The following NKX2-2 variants were observed in gnomAD, a reference collection of about 807,000 sequenced individuals.
NKX2-2 encodes NK2 homeobox 2, also known as homeobox protein Nkx-2.2.
In NKX2-2, 8 loss-of-function variants were observed where a neutral mutation model predicts 24.6. The observed-to-expected ratio is 0.32, with a 90% confidence interval of 0.19 to 0.59. The LOEUF (loss-of-function observed/expected upper bound fraction) is 0.59. Ranked by LOEUF, NKX2-2 falls within the 20% of genes least tolerant of loss-of-function variation. The pLI is 0.86. For missense variants in NKX2-2, 381 were observed against 373.9 expected, an observed-to-expected ratio of 1.02 and a Z score of -0.16; for synonymous variants, 217 against 173.3, an observed-to-expected ratio of 1.25 and a Z score of -1.98.
Position 21,512,066 on chromosome 20 carries a change from T to C in NKX2-2, c.679A>G (p.Thr227Ala). ...GAAAAGGGAATGCCCGCCTGGAAGG[T>C]GGCGGCTGCCAGGTCCTGGGCTTTG... ...ALKAQDLAAA[T>A]FQAGIPFSAY... is the part of the protein sequence containing the mutation. The change falls in exon 2 of 2, where the codon ACC becomes GCC. Residue 227 changes from threonine to alanine, a missense_variant. Physicochemically the swap from Thr to Ala is moderately conservative, Grantham distance 58. Transcript: ENST00000377142. The C allele has an allele frequency of 6.2e-7, 1 of 1,613,744 alleles. No homozygotes were observed. The highest frequency in any genetic ancestry group is 8.5e-7 in the Non-Finnish European group (1 of 1,179,930).
At chr20:21,514,487 T>C (rs1275710316), upstream of NKX2-2, among the ~76,000 whole-genome samples, 1 of 149,520 alleles carries the variant, frequency 6.7e-6, no homozygotes, top group Admixed American at 6.7e-5. Flanking sequence ...TTTTAACAAA[T>C]TGCATCTTAA....
chr20:21,516,172 T>C (rs1160911737), upstream of NKX2-2, among the ~76,000 whole-genome samples: 1 of 152,192 alleles, frequency 6.6e-6, no homozygotes, highest in Non-Finnish European at 1.5e-5. Flanking sequence ...TTGTTCCTAG[T>C]TGTCATGGCA....
At position 21,513,535 on chromosome 20, in the gene NKX2-2, G is replaced by C; in HGVS notation, c.135C>G (p.Ala45=). The change falls in exon 1 of 2, where the codon GCC becomes GCG. Residue 45 remains alanine, a synonymous_variant. Transcript: ENST00000377142. The surrounding 1 kb of genome is among the most constrained non-coding windows in gnomAD (Gnocchi z 4.6). ...CCAGGGCGCCCTGCCCCAGCGGCCC[G>C]GCCCTCTTGGCTGGCTCGGGCCCCT... ...ENEGPEPAKR[A]GPLGQGALDA... is the part of the protein sequence containing the mutation. 1 of 1,613,332 alleles carries C rather than the reference G, an allele frequency of 6.2e-7. No homozygotes were observed. The highest frequency in any genetic ancestry group is 8.5e-7 in the Non-Finnish European group (1 of 1,179,692).
Position 21,513,820 on chromosome 20 carries a change from T to A in NKX2-2, c.-151A>T. On this transcript the variant is annotated 5_prime_UTR_variant, in exon 1 of 2. Coordinates refer to ENST00000377142, the MANE Select transcript of NKX2-2 (RefSeq NM_002509.4). This position sits in a 1 kb window ranked among gnomAD's most constrained non-coding sequence, Gnocchi z 4.6. ...AATTGGCTTTAATTATTGGGATAAT[T>A]ATTATTTTTAAAAAGAGAAAGAAAC... 1.9e-6 allele frequency: 1 copy of A among 520,152 alleles called. No homozygotes were observed. Among genetic ancestry groups the A allele is most frequent in the Non-Finnish European group, 3.2e-6 (1 of 317,254 alleles). The allele number at this position is 520,152 out of a possible 1,614,324, so 32.2% of individuals were successfully genotyped here. A position where few individuals can be genotyped will look rare whatever the true frequency, so the allele number is the denominator to read the frequency against.
rs1042704224 is a variant in NKX2-2 at position 21,511,571 on chromosome 20, G to T, written c.*352C>A. On this transcript the variant is annotated 3_prime_UTR_variant, in exon 2 of 2. Transcript: ENST00000377142. The stretch of plus-strand genomic sequence containing the variant: ...TGCACGAAAGCAGGGGTGGGGGGTC[G>T]GTCTTTTTCTCGTTTTCAAGTGACG... The T allele has an allele frequency of 1.1e-4, 23 of 212,380 alleles. No individual in the cohort carries two copies. The highest frequency in any genetic ancestry group is 1.9e-4 in the Non-Finnish European group (21 of 108,498). The allele number at this position is 212,380 out of a possible 1,614,324, so 13.2% of individuals were successfully genotyped here. A position where few individuals can be genotyped will look rare whatever the true frequency, so the allele number is the denominator to read the frequency against.
upstream of NKX2-2, among the ~76,000 whole-genome samples, chr20:21,515,861 C>G (rs575114086): frequency 4.1e-4 from 63 of 152,318 alleles, no homozygotes; most frequent in African/African-American, 1.2e-3. Context: ...GGGCACCTCT[C>G]CCCGAGCCGC....
At chr20:21,518,689 C>T (rs1392972570), upstream of NKX2-2, among the ~76,000 whole-genome samples, 1 of 152,256 alleles carries the variant, frequency 6.6e-6, no homozygotes, top group Non-Finnish European at 1.5e-5. Flanking sequence ...CGCCCAGAGG[C>T]ACCCTGCTTT....
At position 21,511,875 on chromosome 20, in the gene NKX2-2, C is replaced by T. The variant is rs762923306; in HGVS notation, c.*48G>A. On this transcript the variant is annotated 3_prime_UTR_variant, in exon 2 of 2. Transcript: ENST00000377142. ...CGAGGCCTCCTCGCCGCCACCGCCG[C>T]CGGGGTGGGGCCTGGGCCTGGGGCC... 1.2e-5 allele frequency: 18 copies of T among 1,474,218 alleles called. No homozygotes were observed. The highest frequency in any genetic ancestry group is 1.5e-5 in the Non-Finnish European group (17 of 1,104,778). 91.3% of individuals were successfully genotyped at this position (1,474,218 alleles called of 1,614,324 possible).
rs1430668675 is a variant in NKX2-2, at chr20:21,513,014, C to G, written c.259+397G>C. On this transcript the variant is annotated intron_variant, in intron 1 of 1. Coordinates refer to ENST00000377142, the MANE Select transcript of NKX2-2 (RefSeq NM_002509.4). The surrounding 1 kb of genome is among the most constrained non-coding windows in gnomAD (Gnocchi z 4.6). ...TATACCCGGGCCACCCGAAGCCTCCCCACCCTCCACCCGTACCCGGACGAG... is the reference window on the plus strand; with the variant it reads ...TATACCCGGGCCACCCGAAGCCTCCGCACCCTCCACCCGTACCCGGACGAG... 6.6e-6 allele frequency among the ~76,000 whole-genome samples: 1 copy of G among 152,162 alleles called. No individual in the cohort carries two copies. The highest frequency in any genetic ancestry group is 1.5e-5 in the Non-Finnish European group (1 of 68,028).
the NKX2-2 span, among the ~76,000 whole-genome samples, chr20:21,522,464 T>C: frequency 6.6e-6 from 1 of 152,052 alleles, no homozygotes; most frequent in South Asian, 2.1e-4. Context: ...GCTTCCTCCA[T>C]CGCCACCGCC....
At chr20:21,515,334 C>G (rs910716622), upstream of NKX2-2, among the ~76,000 whole-genome samples, 6 of 152,052 alleles carry the variant, frequency 3.9e-5, no homozygotes, top group Admixed American at 2.6e-4. Context: ...GGAGGGGGGT[C>G]GCTGGGTGGC....
At chr20:21,517,843 G>A (rs1233946031), upstream of NKX2-2, among the ~76,000 whole-genome samples, 4 of 152,256 alleles carry the variant, frequency 2.6e-5, no homozygotes, top group East Asian at 7.7e-4. Context: ...AGGAGCTTTG[G>A]TTCTCTGCGA....
the NKX2-2 span, among the ~76,000 whole-genome samples, chr20:21,521,219 G>A: frequency 6.6e-6 from 1 of 151,938 alleles, no homozygotes; most frequent in African/African-American, 2.4e-5. Context: ...TAGACGCAAC[G>A]TCCCCTTTCC....
At chr20:21,512,646 G>C (rs1980484000) in intron 1 of NKX2-2, among the ~76,000 whole-genome samples, 161 bp from the exon 2 acceptor site, 12 of 152,146 alleles carry the variant, frequency 7.9e-5, no homozygotes, top group Admixed American at 7.9e-4. Flanking sequence ...CTCTACGCCT[G>C]ACGAAGACGT....
At position 21,511,732 on chromosome 20, in the gene NKX2-2, G is replaced by A; in HGVS notation, c.*191C>T. On this transcript the variant is annotated 3_prime_UTR_variant, in exon 2 of 2. Coordinates refer to ENST00000377142, the MANE Select transcript of NKX2-2 (RefSeq NM_002509.4). ...GAGAGGCATGGGCAGAGCTGGGTGG[G>A]TGGAATCTGCCACTCCAAGGAGACG... 2 of 483,320 alleles carry A rather than the reference G, an allele frequency of 4.1e-6. No homozygotes were observed. The highest frequency in any genetic ancestry group is 2.0e-5 in the African/African-American group (1 of 50,460). 29.9% of individuals were successfully genotyped at this position (483,320 alleles called of 1,614,324 possible).
Position 21,513,973 on chromosome 20 carries a change from T to G in NKX2-2, c.-304A>C. 4.8e-6 allele frequency: 1 copy of G among 208,548 alleles called. No individual in the cohort carries two copies. Among genetic ancestry groups the G allele is most frequent in the Non-Finnish European group, 9.5e-6 (1 of 105,580 alleles). 12.9% of individuals were successfully genotyped at this position (208,548 alleles called of 1,614,324 possible). ...GAGCGCCGCGGGCCCCGGCCTTAGT[T>G]TCTAACTCCAGGAGGGGTGCCAAGG... is the stretch of plus-strand genomic sequence containing the variant. On this transcript the variant is annotated 5_prime_UTR_variant, in exon 1 of 2. Coordinates refer to ENST00000377142, the MANE Select transcript of NKX2-2 (RefSeq NM_002509.4). This position sits in a 1 kb window ranked among gnomAD's most constrained non-coding sequence, Gnocchi z 4.6.
chr20:21,516,312 C>A (rs1980636678), upstream of NKX2-2, among the ~76,000 whole-genome samples: 1 of 152,142 alleles, frequency 6.6e-6, no homozygotes, highest in Non-Finnish European at 1.5e-5. Flanking sequence ...CCTTTCTCCC[C>A]CTCCTTCCCC....
chr20:21,517,554 A>T (rs1357581244), upstream of NKX2-2, among the ~76,000 whole-genome samples: 1 of 152,170 alleles, frequency 6.6e-6, no homozygotes, highest in Non-Finnish European at 1.5e-5. Context: ...GAAGGGGAGA[A>T]ACTGGGCTTG....
upstream of NKX2-2, among the ~76,000 whole-genome samples, chr20:21,515,018 G>A (rs1205556775): frequency 6.7e-6 from 1 of 149,156 alleles, no homozygotes; most frequent in Non-Finnish European, 1.5e-5. Context: ...CAAGGAGGAC[G>A]CGCAGTTCAC....
Sources: gnomAD v4.1 joint callset for allele counts (sites outside exome capture counted in the v4.1 genomes callset) on GRCh38, gnomAD v4.1.1 for gene constraint, Gnocchi (gnomAD v3.1) non-coding constraint, MANE v1.5 for transcripts, NCBI Gene and HGNC (gene_info 2026-07-23, HGNC 2026-07-21) for gene names.